KCNIP4: variants seen among roughly 807,000 people sequenced by gnomAD.
KCNIP4 encodes Kv channel-interacting protein 4.
KCNIP4 carries 12 observed loss-of-function variants against 34.0 expected under a neutral mutation model. The observed-to-expected ratio is 0.35, with a 90% CI of 0.23 to 0.57. KCNIP4 has a LOEUF of 0.57. KCNIP4 is among the 20% of genes least tolerant of loss of function. The probability of loss-of-function intolerance (pLI) is 0.83; values close to 1 mark genes in which losing one functional copy is unlikely to be tolerated. For missense variants in KCNIP4, 238 were observed against 311.7 expected (o/e 0.76, Z 1.78); for synonymous variants, 124 against 102.2 (o/e 1.21, Z -1.29).
rs1427367336 is a variant in KCNIP4, at chr4:20,765,796, G to T, written c.289-6906C>A. ...ATGAGGTTTTCTTTGCAATATAACTGCCATAGATTTGTCTGTTGGTGAAGA... is the reference window on the plus strand; with the variant it reads ...ATGAGGTTTTCTTTGCAATATAACTTCCATAGATTTGTCTGTTGGTGAAGA... On this transcript the variant is annotated intron_variant, in intron 3 of 8. Coordinates refer to ENST00000382152, the MANE Select transcript of KCNIP4 (RefSeq NM_025221.6). 2.6e-5 allele frequency among the ~76,000 whole-genome samples: 4 copies of T among 152,124 alleles called. No homozygotes were observed. In the South Asian group the frequency reaches 8.3e-4, roughly 31 times the overall value.
intron 1 of KCNIP4, among the ~76,000 whole-genome samples, chr4:21,775,391 G>A (rs541863350): frequency 6.6e-6 from 1 of 152,278 alleles, no homozygotes; most frequent in Non-Finnish European, 1.5e-5. Context: ...CAGCAGGATT[G>A]TTCCTGTATA....
chr4:20,831,134 TTG>T (rs1578724119), intron 3 of KCNIP4, among the ~76,000 whole-genome samples: 1 of 152,222 alleles, frequency 6.6e-6, no homozygotes, highest in East Asian at 1.9e-4. Flanking sequence ...TGAAACATTT[TTG>T]TGTGTGTATC....
chr4:21,066,799 T>C (rs1744433634), intron 1 of KCNIP4, among the ~76,000 whole-genome samples: 1 of 152,114 alleles, frequency 6.6e-6, no homozygotes, highest in East Asian at 1.9e-4. Context: ...CTACATCAAC[T>C]TGAAAGGCAG....
intron 3 of KCNIP4, among the ~76,000 whole-genome samples, chr4:20,788,630 A>T (rs1712317556): frequency 1.3e-5 from 2 of 152,194 alleles, no homozygotes; most frequent in Admixed American, 1.3e-4. Context: ...CCATGCTCTC[A>T]GAGAACTTTG....
intron 1 of KCNIP4, among the ~76,000 whole-genome samples, chr4:21,660,921 G>C (rs1426106366): frequency 6.6e-6 from 1 of 152,084 alleles, no homozygotes; most frequent in Non-Finnish European, 1.5e-5. Flanking sequence ...CTCAAGCCTG[G>C]AAACTTGCAG....
intron 1 of KCNIP4, among the ~76,000 whole-genome samples, chr4:21,401,490 C>A (rs1055425546): frequency 1.3e-5 from 2 of 152,130 alleles, no homozygotes; most frequent in African/African-American, 4.8e-5. Context: ...GAAAACTCAG[C>A]AGCAAGTTAA....
At chr4:20,887,571 A>G (rs1420225368) in intron 1 of KCNIP4, among the ~76,000 whole-genome samples, 1 of 152,116 alleles carries the variant, frequency 6.6e-6, no homozygotes, top group Non-Finnish European at 1.5e-5. Context: ...CAGCAGAAAC[A>G]CCAGAAAACA....
intron 1 of KCNIP4, among the ~76,000 whole-genome samples, chr4:21,459,135 A>G (rs1163600887): frequency 6.6e-6 from 1 of 152,000 alleles, no homozygotes. Context: ...TTCTCAAAAG[A>G]GTTTCTATGG....
At chr4:20,757,474 T>A (rs1288715068) in intron 4 of KCNIP4, among the ~76,000 whole-genome samples, 2 of 152,180 alleles carry the variant, frequency 1.3e-5, no homozygotes, top group African/African-American at 4.8e-5. Flanking sequence ...TAAAGTCCCA[T>A]TTCTTCATAT....
chr4:21,218,936 A>G (rs1757801742), intron 1 of KCNIP4, among the ~76,000 whole-genome samples: 2 of 152,208 alleles, frequency 1.3e-5, no homozygotes, highest in Admixed American at 6.5e-5. Flanking sequence ...CAAATTCCAG[A>G]GATGGCTATT....
intron 1 of KCNIP4, among the ~76,000 whole-genome samples, chr4:21,893,708 C>G (rs1440534702): frequency 6.6e-6 from 1 of 152,114 alleles, no homozygotes; most frequent in East Asian, 1.9e-4. Flanking sequence ...GAGACTAGAT[C>G]ATTTCCTATA....
chr4:20,988,814 T>A (rs1382174026), intron 1 of KCNIP4, among the ~76,000 whole-genome samples: 1 of 152,210 alleles, frequency 6.6e-6, no homozygotes, highest in Non-Finnish European at 1.5e-5. Context: ...ACCTTCCCCC[T>A]CTCTGCCTCA....
At chr4:21,516,243 ATACTTG>A (rs2109935424) in intron 1 of KCNIP4, among the ~76,000 whole-genome samples, 1 of 152,288 alleles carries the variant, frequency 6.6e-6, no homozygotes, top group East Asian at 1.9e-4. Context: ...CCCACGAATA[ATACTTG>A]TATCTCATGT....
chr4:21,268,169 G>A (rs1008784017), intron 1 of KCNIP4, among the ~76,000 whole-genome samples: 1 of 152,120 alleles, frequency 6.6e-6, no homozygotes, highest in Non-Finnish European at 1.5e-5. Flanking sequence ...GGCCTTTCAT[G>A]TATCAATCTT....
chr4:21,008,625 G>A (rs1738780382), intron 1 of KCNIP4, among the ~76,000 whole-genome samples: 1 of 151,644 alleles, frequency 6.6e-6, no homozygotes, highest in Non-Finnish European at 1.5e-5. Flanking sequence ...CCGGGTTCAC[G>A]CCATTCTCCT....
At chr4:20,903,379 A>G (rs1169171681) in intron 1 of KCNIP4, among the ~76,000 whole-genome samples, 1 of 152,158 alleles carries the variant, frequency 6.6e-6, no homozygotes, top group Non-Finnish European at 1.5e-5. Flanking sequence ...TGAGACATCA[A>G]TCAGATACAT....
rs572050213 is a variant in KCNIP4 at position 20,955,605 on chromosome 4, A to C, written c.62-72896T>G. 3.9e-5 allele frequency among the ~76,000 whole-genome samples: 6 copies of C among 152,282 alleles called. No homozygotes were observed. In the South Asian group the frequency reaches 1.2e-3, roughly 32 times the overall value. On this transcript the variant is annotated intron_variant, in intron 1 of 8. Transcript: ENST00000382152. The stretch of plus-strand genomic sequence containing the variant: ...TTCCAGCAAGTCCCATTCAATCCAA[A>C]ATACTGAAAAATCTACTTATCTTCT...
At chr4:21,583,643 G>A (rs1741400920) in intron 1 of KCNIP4, among the ~76,000 whole-genome samples, 1 of 151,972 alleles carries the variant, frequency 6.6e-6, no homozygotes, top group Admixed American at 6.6e-5. Flanking sequence ...ATAAATTTAT[G>A]TTTAAAGGGT....
chr4:21,349,403 G>A (rs1231858498), intron 1 of KCNIP4, among the ~76,000 whole-genome samples: 1 of 152,130 alleles, frequency 6.6e-6, no homozygotes, highest in Non-Finnish European at 1.5e-5. Context: ...CTGAAATAGA[G>A]GAGTCGCTGG....
Sources: allele counts gnomAD v4.1 joint callset (sites outside exome capture counted in the v4.1 genomes callset), GRCh38; gene constraint gnomAD v4.1.1; transcripts MANE v1.5; gene names NCBI Gene and HGNC (gene_info 2026-07-23, HGNC 2026-07-21).